SEM1: variants seen among roughly 807,000 people sequenced by gnomAD.
The protein encoded by SEM1 is SEM1 26S proteasome subunit.
A neutral mutation model predicts 12.7 loss-of-function variants in SEM1; 3 were observed. The ratio of observed to expected loss-of-function variants is 0.24; its 90% confidence interval spans 0.11 to 0.61. The LOEUF is 0.61. Among genes scored for constraint, SEM1 ranks in the 20% least tolerant of loss-of-function variants. The probability of loss-of-function intolerance (pLI) is 0.88; values close to 1 mark genes in which losing one functional copy is unlikely to be tolerated. For missense variants in SEM1, 59 were observed against 81.3 expected (o/e 0.73, Z 1.06); for synonymous variants, 30 against 27.8 (o/e 1.08, Z -0.25).
intron 2 of SEM1, among the ~76,000 whole-genome samples, chr7:96,665,900 G>A (rs183464701): frequency 6.6e-6 from 1 of 152,314 alleles, no homozygotes; most frequent in East Asian, 1.9e-4. Context: ...TACCAGCCCT[G>A]CAGATGAGAA....
At chr7:96,696,523 G>A (rs1351010946) in intron 1 of SEM1, 3 of 151,950 alleles carry the variant, frequency 2.0e-5, no homozygotes, top group South Asian at 4.2e-4. Flanking sequence ...TATCATAGAT[G>A]AGGAATCTGA....
intron 2 of SEM1, among the ~76,000 whole-genome samples, chr7:96,657,852 C>T (rs1015659335): frequency 4.6e-5 from 7 of 152,084 alleles, no homozygotes; most frequent in Non-Finnish European, 1.0e-4. Flanking sequence ...TGGCAGTATG[C>T]CCTTTTTGTG....
intron 2 of SEM1, among the ~76,000 whole-genome samples, chr7:96,566,094 G>A (rs1385680457): frequency 6.6e-6 from 1 of 151,498 alleles, no homozygotes; most frequent in African/African-American, 2.4e-5. Context: ...TAATTTTTCT[G>A]GCTTCAATTT....
chr7:96,609,522 G>A (rs990564554), intron 2 of SEM1, among the ~76,000 whole-genome samples: 1 of 152,212 alleles, frequency 6.6e-6, no homozygotes, highest in East Asian at 1.9e-4. Flanking sequence ...GCCCAGAGAA[G>A]TTAGAGAATT....
At chr7:96,521,653 T>A (rs1216310345) in intron 2 of SEM1, among the ~76,000 whole-genome samples, 1 of 152,126 alleles carries the variant, frequency 6.6e-6, no homozygotes, top group Non-Finnish European at 1.5e-5. Context: ...AGTTTCATGT[T>A]CTTCTGTCTT....
At chr7:96,522,673 T>A (rs1804315155) in intron 2 of SEM1, among the ~76,000 whole-genome samples, 1 of 149,934 alleles carries the variant, frequency 6.7e-6, no homozygotes, top group African/African-American at 2.5e-5. Context: ...AGGTCGGGAG[T>A]TCGAGACCAG....
At chr7:96,535,948 T>A (rs1168062554) in intron 2 of SEM1, among the ~76,000 whole-genome samples, 1 of 151,940 alleles carries the variant, frequency 6.6e-6, no homozygotes, top group Non-Finnish European at 1.5e-5. Flanking sequence ...TATGGTAGAA[T>A]AATTTATATT....
intron 2 of SEM1, among the ~76,000 whole-genome samples, chr7:96,547,001 C>T (rs915889944): frequency 3.3e-5 from 5 of 152,044 alleles, no homozygotes; most frequent in African/African-American, 1.2e-4. Flanking sequence ...CCTGCAAATT[C>T]TCTAATGCAG....
intron 3 of SEM1, among the ~76,000 whole-genome samples, chr7:96,504,775 T>G (rs1803692373): frequency 6.6e-6 from 1 of 152,010 alleles, no homozygotes; most frequent in African/African-American, 2.4e-5. Flanking sequence ...TATATCAGAA[T>G]TCAAGTAAAA....
chr7:96,524,064 C>T (rs1318360557), intron 2 of SEM1, among the ~76,000 whole-genome samples: 1 of 152,062 alleles, frequency 6.6e-6, no homozygotes, highest in Non-Finnish European at 1.5e-5. Flanking sequence ...TTAAACAGGG[C>T]ACTTCTTATG....
At chr7:96,605,303 A>G (rs1807316254) in intron 2 of SEM1, among the ~76,000 whole-genome samples, 1 of 152,174 alleles carries the variant, frequency 6.6e-6, no homozygotes, top group Admixed American at 6.5e-5. Context: ...CCAACGAACT[A>G]TGGTGTCTTG....
downstream of SEM1, among the ~76,000 whole-genome samples, chr7:96,685,699 C>T (rs1789742749): frequency 6.6e-6 from 1 of 150,664 alleles, no homozygotes; most frequent in South Asian, 2.1e-4. Context: ...ATATAAATAG[C>T]TGAGAACAAC....
intron 2 of SEM1, among the ~76,000 whole-genome samples, chr7:96,579,963 A>AATTT (rs1345522433): frequency 9.4e-4 from 127 of 134,758 alleles, no homozygotes; most frequent in African/African-American, 2.9e-3. Flanking sequence ...CAATTTTTTT[A>AATTT]ATTTATTTAT....
chr7:96,705,875 T>C (rs1584877080), intron 1 of SEM1, among the ~76,000 whole-genome samples: 1 of 152,048 alleles, frequency 6.6e-6, no homozygotes, highest in East Asian at 1.9e-4. Flanking sequence ...TTTGACTCTA[T>C]CACCACCAAC....
intron 2 of SEM1, among the ~76,000 whole-genome samples, chr7:96,556,532 G>T (rs1391599877): frequency 6.6e-6 from 1 of 152,122 alleles, no homozygotes; most frequent in South Asian, 2.1e-4. Context: ...ACTCTCTTCT[G>T]TCTTCTAGGG....
chr7:96,651,767 T>G (rs1467594661), intron 2 of SEM1, among the ~76,000 whole-genome samples: 1 of 152,140 alleles, frequency 6.6e-6, no homozygotes, highest in Non-Finnish European at 1.5e-5. Context: ...GAGACGGGGA[T>G]TCACCATGTT....
downstream of SEM1, among the ~76,000 whole-genome samples, chr7:96,621,426 G>T (rs982110597): frequency 6.6e-6 from 1 of 152,090 alleles, no homozygotes; most frequent in African/African-American, 2.4e-5. Flanking sequence ...TATCTTAAAA[G>T]ATATAAAAAA....
At chr7:96,667,112 A>C (rs1387308656) in intron 2 of SEM1, among the ~76,000 whole-genome samples, 1 of 152,170 alleles carries the variant, frequency 6.6e-6, no homozygotes, top group Non-Finnish European at 1.5e-5. Flanking sequence ...CAAAGCCACA[A>C]ATGTGGTTGG....
chr7:96,653,524 CAGGA>C (rs1363775945), intron 2 of SEM1, among the ~76,000 whole-genome samples: 2 of 152,098 alleles, frequency 1.3e-5, no homozygotes, highest in Non-Finnish European at 2.9e-5. Context: ...TTGTTGTAGC[CAGGA>C]CCCAGCAATG....
Sources: allele counts gnomAD v4.1 joint callset (sites outside exome capture counted in the v4.1 genomes callset), GRCh38; gene constraint gnomAD v4.1.1; transcripts MANE v1.5; gene names NCBI Gene and HGNC (gene_info 2026-07-23, HGNC 2026-07-21).